Variants in DCAF6 observed in about 807,000 individuals in gnomAD.
DCAF6 encodes DDB1 and CUL4 associated factor 6.
A neutral mutation model predicts 125.1 loss-of-function variants in DCAF6; 54 were observed. That is an observed-to-expected ratio of 0.43 (90% CI 0.35 to 0.54). The LOEUF is 0.54. DCAF6 is among the 20% of genes least tolerant of loss of function. DCAF6 has a pLI of 0.01. For synonymous variants in DCAF6, 371 were observed against 390.4 expected, an observed-to-expected ratio of 0.95 and a Z score of 0.58; for missense variants, 934 against 1,161.7, an observed-to-expected ratio of 0.80 and a Z score of 2.85.
intron 16 of DCAF6, among the ~76,000 whole-genome samples, chr1:168,046,950 A>C (rs1689216856): frequency 1.3e-5 from 2 of 152,118 alleles, no homozygotes; most frequent in African/African-American, 4.8e-5. Flanking sequence ...TTTTTAATGG[A>C]TATTAGACAC....
chr1:167,990,612 T>G (rs1361043433), intron 5 of DCAF6, among the ~76,000 whole-genome samples: 1 of 152,202 alleles, frequency 6.6e-6, no homozygotes, highest in African/African-American at 2.4e-5. Context: ...TAATTCAAAT[T>G]GTATTATAAC....
At chr1:167,885,760 G>A in the DCAF6 span, among the ~76,000 whole-genome samples, 2,739 of 151,946 alleles carry the variant, frequency 0.018, 84 homozygotes, top group African/African-American at 0.063. Context: ...GATTACAGGC[G>A]CCCACCACTA....
At chr1:167,920,630 C>G in the DCAF6 span, 1 of 1,611,562 alleles carries the variant, frequency 6.2e-7, no homozygotes, top group Non-Finnish European at 8.5e-7. Flanking sequence ...ACACACCAAC[C>G]CCTACACATT....
At chr1:167,865,131 T>C in the DCAF6 span, among the ~76,000 whole-genome samples, 2 of 152,190 alleles carry the variant, frequency 1.3e-5, no homozygotes, top group African/African-American at 4.8e-5. Context: ...CTGAGTACTA[T>C]TGAAGAAACA....
At chr1:167,980,848 G>T (rs1293184592) in intron 4 of DCAF6, among the ~76,000 whole-genome samples, 2 of 150,292 alleles carry the variant, frequency 1.3e-5, no homozygotes, top group African/African-American at 4.9e-5. Context: ...TTTGTTAACT[G>T]TGATTTTGTT....
At chr1:167,877,959 A>G in the DCAF6 span, among the ~76,000 whole-genome samples, 1 of 152,204 alleles carries the variant, frequency 6.6e-6, no homozygotes, top group Non-Finnish European at 1.5e-5. Context: ...TCACCATGAA[A>G]ATGACTGAAA....
intron 14 of DCAF6, among the ~76,000 whole-genome samples, chr1:168,043,746 A>T (rs757954151): frequency 1.3e-5 from 2 of 152,164 alleles, no homozygotes; most frequent in African/African-American, 2.4e-5. Context: ...AAAATTAAGT[A>T]TGTGTAAGAC....
chr1:167,870,321 G>A, the DCAF6 span: 2 of 1,613,890 alleles, frequency 1.2e-6, no homozygotes, highest in Non-Finnish European at 1.7e-6. Flanking sequence ...CCATATCCTG[G>A]TAATCCCTCA....
intron 18 of DCAF6, among the ~76,000 whole-genome samples, chr1:168,065,080 A>G (rs1692154340): frequency 6.6e-6 from 1 of 152,212 alleles, no homozygotes; most frequent in Admixed American, 6.5e-5. Flanking sequence ...AAGTTCAGCA[A>G]CATATATGTA....
Position 167,936,924 on chromosome 1 carries a change from G to C in DCAF6, c.13G>C (p.Gly5Arg), listed in dbSNP as rs781123320. The C allele has an allele frequency of 1.2e-6, 2 of 1,606,298 alleles. No homozygotes were observed. The highest frequency in any genetic ancestry group is 4.5e-5 in the East Asian group (2 of 44,622). MSRG[G>R]SYPHLLWDVR... ...CTCAGGCAGAGCCATGTCTCGGGGTGGCTCCTACCCACACCTGTTGTGGGA... is the reference window on the plus strand; with the variant it reads ...CTCAGGCAGAGCCATGTCTCGGGGTCGCTCCTACCCACACCTGTTGTGGGA... Residue 5 changes from glycine to arginine, a missense_variant, in exon 1 of 22, where the codon GGC becomes CGC. Physicochemically the swap from Gly to Arg is moderately radical, Grantham distance 125. Coordinates refer to ENST00000367840, the MANE Select transcript of DCAF6 (RefSeq NM_001198956.2).
the DCAF6 span, chr1:167,878,651 G>A: frequency 6.2e-7 from 1 of 1,611,136 alleles, no homozygotes. Flanking sequence ...GCAAGAAAGA[G>A]AAAGTCAAAG....
intron 3 of DCAF6, among the ~76,000 whole-genome samples, chr1:167,973,072 T>C (rs977974114): frequency 6.6e-6 from 1 of 152,224 alleles, no homozygotes; most frequent in African/African-American, 2.4e-5. Flanking sequence ...CTGTATGTAG[T>C]GTGTAGTTAG....
chr1:167,993,217 CT>C lies in DCAF6; in HGVS notation c.689-3del, dbSNP rs777627850. On this transcript the variant is annotated splice_region_variant and splice_polypyrimidine_tract_variant and intron_variant, in intron 6 of 21. Transcript: ENST00000367840. ...ATTAATTTTAAATAACTTCTTGTTT[CT>C]TTTTTAGGGAATTATGCAGGTCGAG... 5.7e-6 allele frequency: 9 copies of C among 1,591,090 alleles called. No individual in the cohort carries two copies. Among genetic ancestry groups the C allele is most frequent in the Non-Finnish European group, 7.7e-6 (9 of 1,171,920 alleles).
intron 14 of DCAF6, among the ~76,000 whole-genome samples, chr1:168,044,184 A>G (rs1168396389): frequency 6.6e-6 from 1 of 152,152 alleles, no homozygotes; most frequent in African/African-American, 2.4e-5. Context: ...CCTATGACTC[A>G]GAAAGGGTTA....
chr1:167,942,992 C>T (rs1231602460), intron 1 of DCAF6, among the ~76,000 whole-genome samples: 6 of 152,098 alleles, frequency 3.9e-5, no homozygotes, highest in East Asian at 1.9e-4. Flanking sequence ...CTACAAGCTC[C>T]GCCTCCTGGG....
rs766498819 is a variant in DCAF6 at position 168,044,647 on chromosome 1, C to T, written c.1906C>T (p.Pro636Ser). The change falls in exon 15 of 22, where the codon CCA becomes TCA. Residue 636 changes from proline (P) to serine (S), a missense_variant. This residue lies in a region of DCAF6 where 559 missense variants were observed against 635.5 expected (regional missense o/e 0.88). Transcript: ENST00000367840. ...KYQEGVSAENPVENHINITQS... is the reference protein window; with the variant it reads ...KYQEGVSAENSVENHINITQS... ...TCAGGAAGGAGTATCTGCAGAAAACCCAGTTGAGAACCATATCAATATAAG... is the reference window on the plus strand; with the variant it reads ...TCAGGAAGGAGTATCTGCAGAAAACTCAGTTGAGAACCATATCAATATAAG... The T allele has an allele frequency of 3.7e-6, 6 of 1,612,580 alleles. No homozygotes were observed. In the South Asian group the frequency reaches 6.6e-5, roughly 18 times the overall value.
intron 2 of DCAF6, among the ~76,000 whole-genome samples, chr1:167,963,604 G>T (rs1399792276): frequency 1.3e-5 from 2 of 151,116 alleles, no homozygotes; most frequent in African/African-American, 4.9e-5. Flanking sequence ...TAATTTTTGT[G>T]TTTTAGTAGA....
At chr1:167,892,059 C>T in the DCAF6 span, among the ~76,000 whole-genome samples, 1 of 151,700 alleles carries the variant, frequency 6.6e-6, no homozygotes, top group Non-Finnish European at 1.5e-5. Context: ...CTGCAAGCTC[C>T]GTCTCCTTGC....
chr1:167,992,575 A>C (rs564243694), intron 6 of DCAF6, among the ~76,000 whole-genome samples: 1 of 152,228 alleles, frequency 6.6e-6, no homozygotes, highest in Non-Finnish European at 1.5e-5. Context: ...GGTGGACACA[A>C]TTGACATTTT....
Sources: gnomAD v4.1 joint callset for allele counts (sites outside exome capture counted in the v4.1 genomes callset) on GRCh38, gnomAD v4.1.1 for gene constraint, gnomAD v4.1.1 regional missense constraint, MANE v1.5 for transcripts, NCBI Gene and HGNC (gene_info 2026-07-23, HGNC 2026-07-21) for gene names.